Variants in SCN11A observed in about 807,000 individuals in gnomAD.
SCN11A encodes the protein sodium voltage-gated channel alpha subunit 11.
A neutral mutation model predicts 162.2 loss-of-function variants in SCN11A; 122 were observed. The ratio of observed to expected loss-of-function variants is 0.75; its 90% CI spans 0.65 to 0.87. SCN11A has a LOEUF of 0.87. SCN11A is among the 40% of genes least tolerant of loss of function. SCN11A has a pLI of 0.00. For missense variants in SCN11A, 2,015 were observed against 2,181.6 expected, an observed-to-expected ratio of 0.92 and a Z score of 1.52; for synonymous variants, 758 against 751.5, an observed-to-expected ratio of 1.01 and a Z score of -0.14.
At chr3:39,034,943 G>C (rs1043814759) in intron 1 of SCN11A, among the ~76,000 whole-genome samples, 1 of 152,142 alleles carries the variant, frequency 6.6e-6, no homozygotes, top group African/African-American at 2.4e-5. Context: ...AAAGGAAATT[G>C]AAGCAGACAC....
intron 2 of SCN11A, among the ~76,000 whole-genome samples, chr3:38,997,256 C>G (rs1374746132): frequency 6.6e-6 from 1 of 152,206 alleles, no homozygotes; most frequent in Non-Finnish European, 1.5e-5. Flanking sequence ...CTTACACTTA[C>G]TCCACTTCAA....
chr3:39,045,294 AC>A (rs2032155574), intron 1 of SCN11A, among the ~76,000 whole-genome samples: 1 of 152,164 alleles, frequency 6.6e-6, no homozygotes, highest in Admixed American at 6.5e-5. Flanking sequence ...TCATTCTACA[AC>A]CCCAACACTA....
intron 2 of SCN11A, among the ~76,000 whole-genome samples, chr3:39,003,682 C>A (rs761936988): frequency 8.5e-5 from 13 of 152,210 alleles, no homozygotes; most frequent in Non-Finnish European, 1.5e-4. Context: ...CACAACCTCA[C>A]CAGCATCTGT....
At chr3:38,949,523 A>C (rs115716491) in intron 5 of SCN11A, among the ~76,000 whole-genome samples, 3 of 152,204 alleles carry the variant, frequency 2.0e-5, no homozygotes, top group Non-Finnish European at 4.4e-5. Context: ...TTTGAGCCCT[A>C]TTAGTCTCAT....
At chr3:38,933,191 C>G (rs2125560763) in intron 7 of SCN11A, among the ~76,000 whole-genome samples, 1 of 152,294 alleles carries the variant, frequency 6.6e-6, no homozygotes, top group Non-Finnish European at 1.5e-5. Context: ...AACTAACAAA[C>G]AGAAAGGACA....
At position 38,847,051 on chromosome 3, in the gene SCN11A, G is replaced by C. The variant is rs1429354141; in HGVS notation, c.5019C>G (p.Pro1673=). 6.2e-7 allele frequency: 1 copy of C among 1,613,952 alleles called. No individual in the cohort carries two copies. Among genetic ancestry groups the C allele is most frequent in the Non-Finnish European group, 8.5e-7 (1 of 1,179,994 alleles). ...AGTGGAGGCGATCTTCACTCACCAT[G>C]GGCAAGTCCATTACTAGAAATTGAT... is the stretch of plus-strand genomic sequence containing the variant. ...NKYQFLVMDL[P]MVSEDRLHCM... The change falls in exon 30 of 30, where the codon CCC becomes CCG. Residue 1673 remains proline, a synonymous_variant. Coordinates refer to ENST00000302328, the MANE Select transcript of SCN11A (RefSeq NM_001349253.2).
rs1559505958 is a variant in SCN11A, at chr3:38,883,265, T to TAAA, written c.3186_3187insTTT (p.Ile1062_Ile1063insPhe). On this transcript the variant is annotated inframe_insertion, in exon 22 of 30. Transcript: ENST00000302328. ...CCACTGCTCAGCAGAATCACAAAGA[T>TAAA]AATAAAGCTCTCAAACCAGCTGTGT... 9.9e-6 allele frequency: 16 copies of TAAA among 1,613,884 alleles called. No homozygotes were observed. Among genetic ancestry groups the TAAA allele is most frequent in the Non-Finnish European group, 1.4e-5 (16 of 1,179,862 alleles).
At chr3:39,025,281 A>T (rs1307856463) in intron 2 of SCN11A, among the ~76,000 whole-genome samples, 1 of 152,136 alleles carries the variant, frequency 6.6e-6, no homozygotes, top group Admixed American at 6.5e-5. Context: ...TCAGCATGCC[A>T]AATTGCCCTC....
At chr3:38,907,897 CT>C (rs2065824828) in intron 14 of SCN11A, 51 bp downstream of exon 14, 3 of 1,462,790 alleles carry the variant, frequency 2.1e-6, no homozygotes, top group Admixed American at 2.3e-5. Flanking sequence ...GCAATTGGAC[CT>C]GTCCCCCTGG....
intron 2 of SCN11A, among the ~76,000 whole-genome samples, chr3:39,012,454 CTT>C (rs1491457048): frequency 7.6e-6 from 1 of 131,718 alleles, no homozygotes; most frequent in South Asian, 2.1e-4. Flanking sequence ...CTCTTTCTCT[CTT>C]TCTTTCTTTC....
intron 27 of SCN11A, among the ~76,000 whole-genome samples, chr3:38,863,751 G>GA (rs372582393): frequency 7.2e-4 from 106 of 147,638 alleles, no homozygotes; most frequent in Middle Eastern, 3.5e-3. Context: ...CACTCTCAGG[G>GA]AAAAAAAAAA....
At chr3:38,879,774 T>C (rs2065277686) in intron 23 of SCN11A, among the ~76,000 whole-genome samples, 176 bp downstream of exon 23, 1 of 152,160 alleles carries the variant, frequency 6.6e-6, no homozygotes, top group Non-Finnish European at 1.5e-5. Flanking sequence ...TAGGAAAGGC[T>C]AAACTGCTTA....
chr3:38,915,291 T>C (rs1008431578), intron 11 of SCN11A, among the ~76,000 whole-genome samples: 1 of 152,088 alleles, frequency 6.6e-6, no homozygotes, highest in Admixed American at 6.6e-5. Flanking sequence ...GTGGGGTCAG[T>C]GGTAACATCC....
intron 5 of SCN11A, 27 bp downstream of exon 5, chr3:38,950,069 A>T (rs60219362): frequency 3.0e-5 from 2 of 66,186 alleles, no homozygotes; most frequent in Admixed American, 1.9e-4. Context: ...CCCCACCCCC[A>T]CCCCCCCCCC....
chr3:38,883,245 G>A lies in SCN11A; in HGVS notation c.3207C>T (p.Ser1069=), dbSNP rs2065339552. The A allele has an allele frequency of 1.2e-6, 2 of 1,613,232 alleles. No individual in the cohort carries two copies. The highest frequency in any genetic ancestry group is 2.7e-5 in the African/African-American group (2 of 74,866). Residue 1069 remains serine (S), a synonymous_variant, in exon 22 of 30, where the codon AGC becomes AGT. Coordinates refer to ENST00000302328, the MANE Select transcript of SCN11A (RefSeq NM_001349253.2). ...AATGATGATTTACCAGTGCCCCACT[G>A]CTCAGCAGAATCACAAAGATAATAA... ...ESFIIFVILL[S]SGALIFEDVH...
intron 27 of SCN11A, among the ~76,000 whole-genome samples, chr3:38,866,818 A>T (rs1458068712): frequency 6.6e-6 from 1 of 152,202 alleles, no homozygotes; most frequent in Non-Finnish European, 1.5e-5. Flanking sequence ...TGCATAGGGA[A>T]GAAAACCTCC....
intron 2 of SCN11A, among the ~76,000 whole-genome samples, chr3:39,012,712 T>G (rs2031182994): frequency 6.6e-6 from 1 of 152,162 alleles, no homozygotes; most frequent in Admixed American, 6.5e-5. Context: ...TGACTTCAAG[T>G]GATTCACCTG....
intron 1 of SCN11A, among the ~76,000 whole-genome samples, chr3:39,051,218 C>T (rs1299629675): frequency 1.3e-5 from 2 of 151,702 alleles, no homozygotes; most frequent in African/African-American, 4.8e-5. Context: ...GCTATTTTGT[C>T]ACCCAGGTAT....
Position 38,894,920 on chromosome 3 carries a change from A to T in SCN11A, c.2448T>A (p.Asn816Lys), listed in dbSNP as rs376128467. ...FIALLLNSFS[N>K]EERNGNLEGE... ...CTTCTAAGTTTCCATTTCTTTCCTC[A>T]TTGCTAAAGGAATTGAGCAGTAAGG... is the stretch of plus-strand genomic sequence containing the variant. Residue 816 changes from asparagine to lysine, a missense_variant, in exon 19 of 30, where the codon AAT (asparagine) becomes AAA (lysine). Coordinates refer to ENST00000302328, the MANE Select transcript of SCN11A (RefSeq NM_001349253.2). 2.5e-6 allele frequency: 4 copies of T among 1,613,934 alleles called. No homozygotes were observed. Among genetic ancestry groups the T allele is most frequent in the Non-Finnish European group, 3.4e-6 (4 of 1,179,900 alleles).
Sources: gnomAD v4.1 joint callset for allele counts (sites outside exome capture counted in the v4.1 genomes callset) on GRCh38, gnomAD v4.1.1 for gene constraint, MANE v1.5 for transcripts, NCBI Gene and HGNC (gene_info 2026-07-23, HGNC 2026-07-21) for gene names.